The following CCDC91 variants were observed in gnomAD, a reference collection of about 807,000 sequenced individuals.
CCDC91 encodes coiled-coil domain-containing protein 91.
Under a neutral mutation model 63.2 loss-of-function variants are expected in CCDC91, and 48 were observed. The ratio of observed to expected loss-of-function variants is 0.76; its 90% CI spans 0.60 to 0.97. The LOEUF is 0.97. Ranked by LOEUF, CCDC91 falls within the 50% of genes least tolerant of loss-of-function variation. CCDC91 has a pLI of 0.00. For missense variants in CCDC91, 500 were observed against 494.6 expected (o/e 1.01, Z -0.10); for synonymous variants, 167 against 165.8 (o/e 1.01, Z -0.06).
At chr12:28,333,839 C>T (rs537485777) in intron 6 of CCDC91, among the ~76,000 whole-genome samples, 6 of 152,102 alleles carry the variant, frequency 3.9e-5, no homozygotes, top group South Asian at 4.1e-4. Context: ...AGTTCTAATG[C>T]GAATGTGAGT....
intron 7 of CCDC91, among the ~76,000 whole-genome samples, chr12:28,386,266 A>G (rs1273163825): frequency 6.6e-6 from 1 of 152,164 alleles, no homozygotes; most frequent in Admixed American, 6.5e-5. Flanking sequence ...CCAAGTAGCT[A>G]TTACATCAGC....
intron 6 of CCDC91, among the ~76,000 whole-genome samples, chr12:28,342,307 A>C (rs1197541822): frequency 2.0e-5 from 3 of 152,222 alleles, no homozygotes; most frequent in Admixed American, 6.5e-5. Context: ...CTTCTGACTT[A>C]TAGAACTGTA....
intron 10 of CCDC91, 25 bp from the exon 11 acceptor site, chr12:28,452,453 G>C: frequency 6.8e-7 from 1 of 1,469,962 alleles, no homozygotes; most frequent in Non-Finnish European, 9.3e-7. Context: ...TTTCAAATTT[G>C]TTCTGGTCTT....
intron 3 of CCDC91, among the ~76,000 whole-genome samples, chr12:28,287,642 C>T (rs932104470): frequency 2.0e-5 from 3 of 152,100 alleles, no homozygotes; most frequent in Non-Finnish European, 4.4e-5. Flanking sequence ...AGTCAGGTAG[C>T]ATAATGCCTC....
intron 1 of CCDC91, among the ~76,000 whole-genome samples, chr12:28,231,674 T>C (rs1944610934): frequency 6.6e-6 from 1 of 150,804 alleles, no homozygotes; most frequent in South Asian, 2.1e-4. Context: ...CCCTCCTTTC[T>C]TCTATTAATA....
At chr12:28,336,748 T>C (rs1307451803) in intron 6 of CCDC91, among the ~76,000 whole-genome samples, 2 of 152,102 alleles carry the variant, frequency 1.3e-5, no homozygotes, top group Non-Finnish European at 2.9e-5. Flanking sequence ...CAGCTACAGG[T>C]AATTCATTTT....
At chr12:28,480,139 C>T (rs1314401804) in intron 11 of CCDC91, among the ~76,000 whole-genome samples, 7 of 151,936 alleles carry the variant, frequency 4.6e-5, no homozygotes, top group African/African-American at 1.4e-4. Flanking sequence ...TCTATTTTTG[C>T]GCTCTTATAC....
chr12:28,286,647 A>G (rs1214591642), intron 3 of CCDC91, among the ~76,000 whole-genome samples: 2 of 152,196 alleles, frequency 1.3e-5, no homozygotes, highest in Non-Finnish European at 2.9e-5. Context: ...TGTCTTTGCT[A>G]TTGTGAAATG....
rs529568893 is a variant in CCDC91 at position 28,329,831 on chromosome 12, G to A, written c.576+22082G>A. The stretch of plus-strand genomic sequence containing the variant: ...CGCCCTGTGTCCAGGTGTTCTCATT[G>A]TTCAGTTCCCACCTATGAGTGAGAA... On this transcript the variant is annotated intron_variant, in intron 6 of 12. Transcript: ENST00000536442. 6.6e-5 allele frequency among the ~76,000 whole-genome samples: 10 copies of A among 152,156 alleles called. 1 individual carries two copies. The highest frequency in any genetic ancestry group is 2.4e-4 in the African/African-American group (10 of 41,504).
chr12:28,546,772 C>T lies in CCDC91; in HGVS notation c.1216-2291C>T, dbSNP rs75235066. Among the ~76,000 whole-genome samples, 598 of 152,128 alleles carry T rather than the reference C, an allele frequency of 3.9e-3. 11 individuals carry two copies. The highest frequency in any genetic ancestry group is 0.014 in the African/African-American group (568 of 41,542). ...AAAAAAAACAAGAGACACTGATCCT[C>T]TATAACACTGCAGTTGGGACTGATA... On this transcript the variant is annotated intron_variant, in intron 12 of 12. Transcript: ENST00000536442.
intron 3 of CCDC91, among the ~76,000 whole-genome samples, chr12:28,293,489 G>T (rs1319862397): frequency 6.6e-6 from 1 of 152,090 alleles, no homozygotes; most frequent in Non-Finnish European, 1.5e-5. Context: ...CTTATTTGAG[G>T]ACTGTTGCTT....
chr12:28,295,541 T>C (rs1050479336), intron 3 of CCDC91, among the ~76,000 whole-genome samples: 3 of 152,040 alleles, frequency 2.0e-5, no homozygotes, highest in Non-Finnish European at 4.4e-5. Flanking sequence ...TATTTTTTAT[T>C]ATTTTAATAC....
intron 1 of CCDC91, among the ~76,000 whole-genome samples, chr12:28,198,363 T>C (rs1294330430): frequency 6.6e-6 from 1 of 152,230 alleles, no homozygotes; most frequent in African/African-American, 2.4e-5. Context: ...ATATGAATAT[T>C]ATTTAAAAAC....
chr12:28,450,487 A>T, intron 10 of CCDC91, 69 bp downstream of exon 10: 1 of 1,047,992 alleles, frequency 9.5e-7, no homozygotes, highest in Non-Finnish European at 1.5e-6. Context: ...TATTAATAGT[A>T]TTCTCAATCT....
intron 3 of CCDC91, among the ~76,000 whole-genome samples, chr12:28,285,906 A>C (rs1385368844): frequency 6.6e-6 from 1 of 151,992 alleles, no homozygotes; most frequent in Non-Finnish European, 1.5e-5. Context: ...CAATTCGCAA[A>C]TCATTATAAT....
chr12:28,403,526 C>A (rs1487548344), intron 8 of CCDC91, among the ~76,000 whole-genome samples: 1 of 152,002 alleles, frequency 6.6e-6, no homozygotes, highest in African/African-American at 2.4e-5. Context: ...TCTACCATGA[C>A]CCCATATCTC....
intron 7 of CCDC91, among the ~76,000 whole-genome samples, chr12:28,365,282 T>G (rs1211562108): frequency 6.6e-6 from 1 of 152,198 alleles, no homozygotes; most frequent in African/African-American, 2.4e-5. Context: ...TAGTTTTCAC[T>G]TATGATTTTA....
At chr12:28,190,930 C>G (rs1045766418) in intron 1 of CCDC91, among the ~76,000 whole-genome samples, 7 of 152,244 alleles carry the variant, frequency 4.6e-5, no homozygotes, top group African/African-American at 1.7e-4. Flanking sequence ...AAAGTCTACG[C>G]CCACGAACAC....
intron 3 of CCDC91, among the ~76,000 whole-genome samples, chr12:28,305,309 T>G (rs1938591591): frequency 6.6e-6 from 1 of 152,034 alleles, no homozygotes; most frequent in Non-Finnish European, 1.5e-5. Flanking sequence ...GAATGAAATG[T>G]ATGAATATAT....
Sources: allele counts gnomAD v4.1 joint callset (sites outside exome capture counted in the v4.1 genomes callset), GRCh38; gene constraint gnomAD v4.1.1; transcripts MANE v1.5; gene names NCBI Gene and HGNC (gene_info 2026-07-23, HGNC 2026-07-21).